The following CA10 variants were observed in gnomAD, a reference collection of about 807,000 sequenced individuals.
The protein encoded by CA10 is carbonic anhydrase-related protein 10.
A neutral mutation model predicts 44.2 loss-of-function variants in CA10; 14 were observed. The ratio of observed to expected loss-of-function variants is 0.32; its 90% confidence interval spans 0.21 to 0.50. The LOEUF (loss-of-function observed/expected upper bound fraction) is 0.50, where lower values mean the gene tolerates loss of function less well. Ranked by LOEUF, CA10 falls within the 20% of genes least tolerant of loss-of-function variation. The pLI is 0.99. For synonymous variants in CA10, 159 were observed against 141.6 expected (o/e 1.12, Z -0.87); for missense variants, 350 against 409.7 (o/e 0.85, Z 1.26).
At chr17:52,008,763 T>C (rs1985687611) in intron 2 of CA10, among the ~76,000 whole-genome samples, 1 of 151,912 alleles carries the variant, frequency 6.6e-6, no homozygotes, top group South Asian at 2.1e-4. Flanking sequence ...ATGAATGTAT[T>C]GGGCTTCCTA....
chr17:52,146,562 C>A (rs1336084227), intron 1 of CA10, among the ~76,000 whole-genome samples: 1 of 151,854 alleles, frequency 6.6e-6, no homozygotes, highest in African/African-American at 2.4e-5. Context: ...TGGTGGCGGG[C>A]GCCTGTAGTC....
At chr17:51,769,302 T>C (rs1202115735) in intron 3 of CA10, among the ~76,000 whole-genome samples, 1 of 152,074 alleles carries the variant, frequency 6.6e-6, no homozygotes, top group East Asian at 1.9e-4. Flanking sequence ...AATCACAAGG[T>C]GCCAGGCAGT....
chr17:52,060,343 T>G (rs1372557272), intron 2 of CA10, among the ~76,000 whole-genome samples: 1 of 152,112 alleles, frequency 6.6e-6, no homozygotes, highest in African/African-American at 2.4e-5. Flanking sequence ...AAATGTAATA[T>G]GGTATCCTAA....
At chr17:51,924,867 C>T (rs1028535655) in intron 3 of CA10, among the ~76,000 whole-genome samples, 2 of 152,200 alleles carry the variant, frequency 1.3e-5, no homozygotes, top group Non-Finnish European at 2.9e-5. Flanking sequence ...GAGACTCTCC[C>T]TGATATAATC....
At chr17:51,648,071 G>A (rs1913410348) in intron 6 of CA10, among the ~76,000 whole-genome samples, 1 of 152,172 alleles carries the variant, frequency 6.6e-6, no homozygotes, top group African/African-American at 2.4e-5. Context: ...GCCTGTCATG[G>A]GGCAGGCATG....
At chr17:52,064,893 T>C (rs1567721314) in intron 2 of CA10, among the ~76,000 whole-genome samples, 1 of 152,210 alleles carries the variant, frequency 6.6e-6, no homozygotes, top group Non-Finnish European at 1.5e-5. Context: ...GAATAAGTGG[T>C]GATCTAATTC....
At chr17:51,894,675 C>T (rs1231936965) in intron 3 of CA10, among the ~76,000 whole-genome samples, 1 of 151,986 alleles carries the variant, frequency 6.6e-6, no homozygotes, top group Non-Finnish European at 1.5e-5. Context: ...TTGATTTTAG[C>T]CCTATGAAAT....
At chr17:51,657,094 G>T (rs1913823704) in intron 4 of CA10, among the ~76,000 whole-genome samples, 1 of 152,194 alleles carries the variant, frequency 6.6e-6, no homozygotes, top group Non-Finnish European at 1.5e-5. Context: ...GGTTATTAAG[G>T]CAGAGATGTG....
chr17:52,135,239 G>T (rs1434539266), intron 1 of CA10, among the ~76,000 whole-genome samples: 1 of 152,108 alleles, frequency 6.6e-6, no homozygotes, highest in East Asian at 1.9e-4. Context: ...ACAGAAACTA[G>T]CTCTTTGGAA....
chr17:51,944,072 G>T (rs1983185284), intron 2 of CA10, among the ~76,000 whole-genome samples: 1 of 152,126 alleles, frequency 6.6e-6, no homozygotes, highest in Non-Finnish European at 1.5e-5. Context: ...CCTTTGGATA[G>T]AGGTTACCAA....
chr17:52,069,460 G>A (rs1452104638), intron 2 of CA10, among the ~76,000 whole-genome samples: 3 of 152,164 alleles, frequency 2.0e-5, no homozygotes, highest in Admixed American at 1.3e-4. Context: ...GGAAGGCATA[G>A]GTTTGAGCAG....
At chr17:52,081,631 T>C (rs1363307076) in intron 1 of CA10, among the ~76,000 whole-genome samples, 1 of 151,780 alleles carries the variant, frequency 6.6e-6, no homozygotes, top group Non-Finnish European at 1.5e-5. Context: ...AAACCCCGTC[T>C]CTACTAAAAA....
chr17:51,854,516 T>C (rs2143829204), intron 3 of CA10, among the ~76,000 whole-genome samples: 1 of 152,300 alleles, frequency 6.6e-6, no homozygotes, highest in Non-Finnish European at 1.5e-5. Context: ...AGCTCCCCTT[T>C]AGTCTGGGAA....
At chr17:52,146,970 C>T (rs143911411) in intron 1 of CA10, among the ~76,000 whole-genome samples, 120 of 152,266 alleles carry the variant, frequency 7.9e-4, no homozygotes, top group African/African-American at 2.6e-3. Context: ...TGCCCACACA[C>T]ATACATTGAC....
intron 3 of CA10, among the ~76,000 whole-genome samples, chr17:51,781,753 T>C (rs951164071): frequency 1.3e-5 from 2 of 152,240 alleles, no homozygotes; most frequent in Non-Finnish European, 2.9e-5. Context: ...CCCTATGCCA[T>C]ATAGACTTTG....
chr17:52,126,221 TGCTAA>T (rs1989116207), intron 1 of CA10, among the ~76,000 whole-genome samples: 2 of 152,208 alleles, frequency 1.3e-5, no homozygotes, highest in African/African-American at 4.8e-5. Flanking sequence ...TCTAAAATGG[TGCTAA>T]TAATATCTGC....
intron 6 of CA10, among the ~76,000 whole-genome samples, chr17:51,636,613 C>T (rs573578035): frequency 7.2e-5 from 11 of 152,272 alleles, no homozygotes; most frequent in African/African-American, 2.6e-4. Context: ...CTAGGCATTA[C>T]AGGTATCATG....
Position 51,631,573 on chromosome 17 carries a change from G to GGCTT in CA10, c.*7_*10dup. The GGCTT allele has an allele frequency of 6.2e-7, 1 of 1,611,648 alleles. No individual in the cohort carries two copies. The highest frequency in any genetic ancestry group is 8.5e-7 in the Non-Finnish European group (1 of 1,177,922). On this transcript the variant is annotated 3_prime_UTR_variant, in exon 9 of 9. Coordinates refer to ENST00000451037, the MANE Select transcript of CA10 (RefSeq NM_020178.5). ...ATTTCACTGAGGTGGGATTCTTCTT[G>GGCTT]GCTTTGTTCCCTACTTGAGGAGCCA...
intron 4 of CA10, among the ~76,000 whole-genome samples, chr17:51,734,742 T>G (rs954056736): frequency 6.6e-6 from 1 of 152,190 alleles, no homozygotes; most frequent in African/African-American, 2.4e-5. Flanking sequence ...GTGTGGTTAG[T>G]AGGGGCTTGA....
Sources: gnomAD v4.1 joint callset for allele counts (sites outside exome capture counted in the v4.1 genomes callset) on GRCh38, gnomAD v4.1.1 for gene constraint, MANE v1.5 for transcripts, NCBI Gene and HGNC (gene_info 2026-07-23, HGNC 2026-07-21) for gene names.